The following VWC2 variants were observed in gnomAD, a reference collection of about 807,000 sequenced individuals.
VWC2 encodes the protein von Willebrand factor C domain containing 2.
In VWC2, 14 loss-of-function variants were observed where a neutral mutation model predicts 29.8. The ratio of observed to expected loss-of-function variants is 0.47; its 90% confidence interval spans 0.31 to 0.74. VWC2 has a LOEUF of 0.74. Among genes scored for constraint, VWC2 ranks in the 30% least tolerant of loss-of-function variants. VWC2 has a pLI of 0.05. For missense variants in VWC2, 457 were observed against 459.8 expected (o/e 0.99, Z 0.05); for synonymous variants, 213 against 199.0 (o/e 1.07, Z -0.59).
intron 3 of VWC2, among the ~76,000 whole-genome samples, chr7:49,844,659 G>A (rs914200805): frequency 3.3e-5 from 5 of 152,112 alleles, no homozygotes; most frequent in African/African-American, 1.2e-4. Context: ...ACACGTAGCA[G>A]CCACATTACC....
intron 3 of VWC2, among the ~76,000 whole-genome samples, chr7:49,833,921 G>A (rs1356565500): frequency 2.0e-5 from 3 of 152,130 alleles, no homozygotes; most frequent in Non-Finnish European, 2.9e-5. Flanking sequence ...TAGGTTTCAA[G>A]ATCAACTAGA....
intron 3 of VWC2, among the ~76,000 whole-genome samples, chr7:49,845,323 A>G (rs1451924945): frequency 6.6e-6 from 1 of 152,208 alleles, no homozygotes; most frequent in Non-Finnish European, 1.5e-5. Flanking sequence ...TGATTTAAAT[A>G]TACAATCTCT....
At chr7:49,877,507 T>TCTATATATATATATATAG (rs1554338277) in intron 3 of VWC2, among the ~76,000 whole-genome samples, 7 of 90,318 alleles carry the variant, frequency 7.8e-5, no homozygotes, top group Non-Finnish European at 1.2e-4. Context: ...TATATATATA[T>TCTATATATATATATATAG]ATATATATAT....
At chr7:49,824,113 A>G (rs888782429) in intron 3 of VWC2, among the ~76,000 whole-genome samples, 1 of 152,016 alleles carries the variant, frequency 6.6e-6, no homozygotes, top group Non-Finnish European at 1.5e-5. Context: ...ATTTTGATAA[A>G]GTTCAGTTTC....
rs1166764202 is a variant in VWC2 at position 49,921,529 on chromosome 7, G to A, written c.*9344G>A. 1.3e-5 allele frequency: 2 copies of A among 152,136 alleles called. No homozygotes were observed. The highest frequency in any genetic ancestry group is 4.8e-5 in the African/African-American group (2 of 41,422). 9.4% of individuals were successfully genotyped at this position (152,136 alleles called of 1,614,324 possible). On this transcript the variant is annotated 3_prime_UTR_variant, in exon 4 of 4. Coordinates refer to ENST00000340652, the MANE Select transcript of VWC2 (RefSeq NM_198570.5). ...TCAGGTACACGTTACCTACCTCTCTGTAACTCAGATTGCTCATCAGTAACA... is the reference window on the plus strand; with the variant it reads ...TCAGGTACACGTTACCTACCTCTCTATAACTCAGATTGCTCATCAGTAACA...
At chr7:49,895,358 C>T (rs149194192) in intron 3 of VWC2, among the ~76,000 whole-genome samples, 2,068 of 152,220 alleles carry the variant, frequency 0.014, 37 homozygotes, top group African/African-American at 0.046. Flanking sequence ...TTTCAATGTA[C>T]GAATTCCAGG....
chr7:49,792,790 G>A (rs1562707192), intron 2 of VWC2, among the ~76,000 whole-genome samples: 1 of 152,202 alleles, frequency 6.6e-6, no homozygotes, highest in Non-Finnish European at 1.5e-5. Flanking sequence ...CCTCCCTGGG[G>A]AAGCCTCATG....
intron 3 of VWC2, among the ~76,000 whole-genome samples, chr7:49,841,992 G>A (rs1013464650): frequency 5.3e-5 from 8 of 152,024 alleles, no homozygotes; most frequent in African/African-American, 1.9e-4. Flanking sequence ...TCAGCCTCCT[G>A]AGTAGCTGGG....
At position 49,919,859 on chromosome 7, in the gene VWC2, A is replaced by G. The variant is rs1793936493; in HGVS notation, c.*7674A>G. On this transcript the variant is annotated 3_prime_UTR_variant, in exon 4 of 4. Transcript: ENST00000340652. ...TCATTTTAAGATAGGCATCAGTGCA[A>G]TAAAGGAGCTTGATACAAAAATCAT... The G allele has an allele frequency of 6.6e-6, 1 of 152,206 alleles. No individual in the cohort carries two copies. Among genetic ancestry groups the G allele is most frequent in the Non-Finnish European group, 1.5e-5 (1 of 68,038 alleles). The allele number at this position is 152,206 out of a possible 1,614,324, so 9.4% of individuals were successfully genotyped here.
At chr7:49,831,196 C>T (rs995772808) in intron 3 of VWC2, among the ~76,000 whole-genome samples, 1 of 152,190 alleles carries the variant, frequency 6.6e-6, no homozygotes, top group Non-Finnish European at 1.5e-5. Context: ...ACTTGCTCTT[C>T]TCCTAAGGGC....
At chr7:49,866,856 G>A (rs1285570373) in intron 3 of VWC2, among the ~76,000 whole-genome samples, 4 of 152,186 alleles carry the variant, frequency 2.6e-5, no homozygotes, top group Non-Finnish European at 5.9e-5. Context: ...CAGACAACCC[G>A]AGGCATGCCT....
intron 2 of VWC2, among the ~76,000 whole-genome samples, chr7:49,793,255 T>G (rs1280521550): frequency 6.6e-6 from 1 of 152,196 alleles, no homozygotes; most frequent in Non-Finnish European, 1.5e-5. Context: ...TTAAAATGTA[T>G]CAAATATGCC....
intron 2 of VWC2, among the ~76,000 whole-genome samples, chr7:49,794,016 G>A (rs1384696120): frequency 6.6e-6 from 1 of 152,210 alleles, no homozygotes; most frequent in Non-Finnish European, 1.5e-5. Flanking sequence ...ACACCAAAGA[G>A]CTAATCAGAG....
At chr7:49,778,507 T>C (rs982206895) in intron 2 of VWC2, among the ~76,000 whole-genome samples, 5 of 152,246 alleles carry the variant, frequency 3.3e-5, no homozygotes, top group African/African-American at 7.2e-5. Flanking sequence ...TGTTAGAGCA[T>C]GTTTGCTCAT....
intron 1 of VWC2, among the ~76,000 whole-genome samples, chr7:49,775,014 A>G (rs985455393): frequency 6.6e-6 from 1 of 152,184 alleles, no homozygotes; most frequent in African/African-American, 2.4e-5. Context: ...GGTTCAAGGC[A>G]GAGCTTTGCA....
At chr7:49,832,987 CT>C (rs1332539638) in intron 3 of VWC2, among the ~76,000 whole-genome samples, 1 of 152,142 alleles carries the variant, frequency 6.6e-6, no homozygotes, top group African/African-American at 2.4e-5. Context: ...GCTATAAGCC[CT>C]GTACATCCTG....
intron 3 of VWC2, among the ~76,000 whole-genome samples, chr7:49,815,336 C>T (rs555134529): frequency 3.3e-5 from 5 of 152,068 alleles, no homozygotes; most frequent in African/African-American, 1.2e-4. Flanking sequence ...CCTTTTTTGC[C>T]TTTGAATTCT....
intron 2 of VWC2, 143 bp downstream of exon 2, chr7:49,776,274 T>C: frequency 1.4e-6 from 1 of 720,660 alleles, no homozygotes; most frequent in Non-Finnish European, 2.2e-6. Context: ...CCCTTTGACA[T>C]GACCTCTCTT....
chr7:49,777,334 A>T (rs566832227), intron 2 of VWC2, among the ~76,000 whole-genome samples: 1 of 152,310 alleles, frequency 6.6e-6, no homozygotes, highest in East Asian at 1.9e-4. Flanking sequence ...GTAATTACTG[A>T]CTTGTGGCAA....
Sources: gnomAD v4.1 joint callset for allele counts (sites outside exome capture counted in the v4.1 genomes callset) on GRCh38, gnomAD v4.1.1 for gene constraint, MANE v1.5 for transcripts, NCBI Gene and HGNC (gene_info 2026-07-23, HGNC 2026-07-21) for gene names.